GINS1: variants seen among roughly 807,000 people sequenced by gnomAD.
GINS1 encodes DNA replication complex GINS protein PSF1.
A neutral mutation model predicts 34.9 loss-of-function variants in GINS1; 26 were observed. The ratio of observed to expected loss-of-function variants is 0.74; its 90% CI spans 0.55 to 1.03. The LOEUF is 1.03. GINS1 is among the 50% of genes least tolerant of loss of function. The probability of loss-of-function intolerance (pLI) is 0.00; values close to 1 mark genes in which losing one functional copy is unlikely to be tolerated. For missense variants in GINS1, 235 were observed against 237.9 expected (o/e 0.99, Z 0.08); for synonymous variants, 97 against 84.4 (o/e 1.15, Z -0.82).
At chr20:25,410,690 T>C (rs1234646125) in intron 1 of GINS1, among the ~76,000 whole-genome samples, 1 of 152,072 alleles carries the variant, frequency 6.6e-6, no homozygotes, top group African/African-American at 2.4e-5. Context: ...GCTTCCCTAG[T>C]AGCTGGGATT....
At chr20:25,437,626 G>A (rs2090461068) in intron 5 of GINS1, among the ~76,000 whole-genome samples, 1 of 152,226 alleles carries the variant, frequency 6.6e-6, no homozygotes, top group South Asian at 2.1e-4. Context: ...GAATCCAGGA[G>A]TTATTTACAT....
rs201484740 is a variant in GINS1, at chr20:25,425,614, T to TA, written c.447+291dup. Among the ~76,000 whole-genome samples the TA allele has an allele frequency of 1.8e-3, 274 of 151,728 alleles. 11 individuals are homozygous for TA. The East Asian group carries it at 0.044, about 24-fold the overall frequency. The stretch of plus-strand genomic sequence containing the variant: ...AAAATCAGTCCCTAAATTTTGAAAG[T>TA]AAAATGAAACAAATGTCAAAACAAA... On this transcript the variant is annotated intron_variant, in intron 5 of 6. Transcript: ENST00000262460.
intron 5 of GINS1, among the ~76,000 whole-genome samples, chr20:25,428,864 T>C (rs2146210128): frequency 6.6e-6 from 1 of 152,228 alleles, no homozygotes; most frequent in Middle Eastern, 3.4e-3. Flanking sequence ...TTTTTTAATA[T>C]ATATATACAT....
intron 4 of GINS1, among the ~76,000 whole-genome samples, chr20:25,422,065 C>T (rs1568801848): frequency 6.6e-6 from 1 of 152,062 alleles, no homozygotes; most frequent in Admixed American, 6.6e-5. Context: ...TAACCATTTG[C>T]ATTGTGAAAT....
At position 25,418,142 on chromosome 20, in the gene GINS1, G is replaced by C. The variant is rs774120725; in HGVS notation, c.277G>C (p.Glu93Gln). The change falls in exon 4 of 7, where the codon GAA becomes CAA. Residue 93 changes from glutamate (E) to glutamine (Q), a missense_variant. Coordinates refer to ENST00000262460, the MANE Select transcript of GINS1 (RefSeq NM_021067.5). The stretch of plus-strand genomic sequence containing the variant: ...GCTTCGGATCAGAGCACTCAGATGG[G>C]AATATGGTAGCGTCTTGCCAAATGC... Reference protein sequence around the residue: ...RLLRIRALRWEYGSVLPNALR... With the variant: ...RLLRIRALRWQYGSVLPNALR... The C allele has an allele frequency of 6.2e-7, 1 of 1,605,912 alleles. No homozygotes were observed. Among genetic ancestry groups the C allele is most frequent in the Non-Finnish European group, 8.5e-7 (1 of 1,172,352 alleles).
At chr20:25,436,243 C>T (rs1287099588) in intron 5 of GINS1, among the ~76,000 whole-genome samples, 1 of 152,060 alleles carries the variant, frequency 6.6e-6, no homozygotes, top group East Asian at 1.9e-4. Flanking sequence ...GTGAGCCACC[C>T]TGCCCAGCCC....
At chr20:25,418,456 AC>A (rs1286281407) in intron 4 of GINS1, among the ~76,000 whole-genome samples, 5 of 152,170 alleles carry the variant, frequency 3.3e-5, no homozygotes, top group Admixed American at 1.3e-4. Flanking sequence ...GGATTAAAAA[AC>A]TGGCATTATT....
At chr20:25,435,788 A>C (rs1568808298) in intron 5 of GINS1, among the ~76,000 whole-genome samples, 1 of 100,470 alleles carries the variant, frequency 1.0e-5, no homozygotes, top group African/African-American at 4.0e-5. Context: ...AAAAAAAAAA[A>C]CCAACTTTTT....
intron 4 of GINS1, among the ~76,000 whole-genome samples, chr20:25,422,763 A>G (rs2090364018): frequency 6.6e-6 from 1 of 152,200 alleles, no homozygotes; most frequent in African/African-American, 2.4e-5. Flanking sequence ...TATATTAGCA[A>G]GAGCTCATTC....
At position 25,443,480 on chromosome 20, in the gene GINS1, T is replaced by TC. The variant is rs1233525182; in HGVS notation, c.522+1704_522+1705insC. On this transcript the variant is annotated intron_variant, in intron 6 of 6. Coordinates refer to ENST00000262460, the MANE Select transcript of GINS1 (RefSeq NM_021067.5). Reference sequence around the variant, plus strand: ...TGCTGTCCTGTGGTTGAATTTCTTTTTTTTTTTTTTTTTTTGAGACAAAGT... The same window carrying TC: ...TGCTGTCCTGTGGTTGAATTTCTTTTCTTTTTTTTTTTTTTTGAGACAAAGT... Among the ~76,000 whole-genome samples, 245 of 149,550 alleles carry TC rather than the reference T, an allele frequency of 1.6e-3. 1 individual carries two copies. Among genetic ancestry groups the TC allele is most frequent in the African/African-American group, 5.4e-3 (223 of 40,974 alleles).
chr20:25,420,876 G>A lies in GINS1; in HGVS notation c.330+2681G>A, dbSNP rs78875312. 194 of 979,112 alleles carry A rather than the reference G, an allele frequency of 2.0e-4. No individual in the cohort carries two copies. In the African/African-American group the frequency reaches 3.3e-3, roughly 17 times the overall value. 60.7% of individuals were successfully genotyped at this position (979,112 alleles called of 1,614,324 possible). ...ATGTTTTGGAAACACTGAAGGATGA[G>A]AAGAGATTAATACAGATAAACTCTG... On this transcript the variant is annotated intron_variant, in intron 4 of 6. Coordinates refer to ENST00000262460, the MANE Select transcript of GINS1 (RefSeq NM_021067.5).
At chr20:25,431,964 T>G (rs2090429500) in intron 5 of GINS1, among the ~76,000 whole-genome samples, 1 of 151,908 alleles carries the variant, frequency 6.6e-6, no homozygotes, top group South Asian at 2.1e-4. Context: ...ATTTCCCGGG[T>G]TCAAGTGATC....
chr20:25,430,619 C>G (rs2090421756), intron 5 of GINS1, among the ~76,000 whole-genome samples: 2 of 152,204 alleles, frequency 1.3e-5, no homozygotes, highest in East Asian at 3.9e-4. Flanking sequence ...CAACCTCTGC[C>G]TCCTGGGTTC....
At chr20:25,440,048 ATTTGAGACGGAGTCTCAT>A (rs2146222093) in intron 5 of GINS1, among the ~76,000 whole-genome samples, 1 of 151,698 alleles carries the variant, frequency 6.6e-6, no homozygotes, top group Admixed American at 6.6e-5. Context: ...TTATTTATTT[ATTTGAGACGGAGTCTCAT>A]TCTGTCACCC....
At chr20:25,417,292 T>A in intron 3 of GINS1, 90 bp downstream of exon 3, 2 of 699,708 alleles carry the variant, frequency 2.9e-6, no homozygotes, top group Non-Finnish European at 5.1e-6. Context: ...AAATCTTAGA[T>A]CTCTCTCTCT....
chr20:25,434,684 C>T (rs1055226952), intron 5 of GINS1, among the ~76,000 whole-genome samples: 3 of 152,152 alleles, frequency 2.0e-5, no homozygotes, highest in African/African-American at 7.2e-5. Context: ...TAGCCTCAAG[C>T]AGTGCTCCTG....
At chr20:25,416,621 G>C (rs6050598) in intron 2 of GINS1, among the ~76,000 whole-genome samples, 82,230 of 152,038 alleles carry the variant, frequency 0.54, 22,824 homozygotes, top group Admixed American at 0.61. Flanking sequence ...GAGATCAACA[G>C]ATATTTGTAA....
intron 4 of GINS1, among the ~76,000 whole-genome samples, chr20:25,422,191 A>G (rs1247617607): frequency 6.6e-6 from 1 of 152,174 alleles, no homozygotes; most frequent in African/African-American, 2.4e-5. Flanking sequence ...TGTTCAAGAA[A>G]GAACATTGCT....
chr20:25,436,923 C>T (rs1326323951), intron 5 of GINS1, among the ~76,000 whole-genome samples: 3 of 152,140 alleles, frequency 2.0e-5, no homozygotes, highest in African/African-American at 4.8e-5. Flanking sequence ...TGTTATAACT[C>T]TATAAATCAG....
Sources: gnomAD v4.1 joint callset for allele counts (sites outside exome capture counted in the v4.1 genomes callset) on GRCh38, gnomAD v4.1.1 for gene constraint, MANE v1.5 for transcripts, NCBI Gene and HGNC (gene_info 2026-07-23, HGNC 2026-07-21) for gene names.